The following EDIL3 variants were observed in gnomAD, a reference collection of about 807,000 sequenced individuals.
EDIL3 encodes EGF-like repeat and discoidin I-like domain-containing protein 3.
A neutral mutation model predicts 67.4 loss-of-function variants in EDIL3; 37 were observed. The ratio of observed to expected loss-of-function variants is 0.55; its 90% CI spans 0.42 to 0.72. EDIL3 has a LOEUF of 0.72. Ranked by LOEUF, EDIL3 falls within the 30% of genes least tolerant of loss-of-function variation. The pLI, the probability that EDIL3 is intolerant of heterozygous loss-of-function variation, is 0.00. For missense variants in EDIL3, 527 were observed against 586.3 expected (o/e 0.90, Z 1.04); for synonymous variants, 195 against 196.3 (o/e 0.99, Z 0.05).
chr5:84,164,696 G>C (rs184621415), intron 4 of EDIL3, among the ~76,000 whole-genome samples: 314 of 152,130 alleles, frequency 2.1e-3, no homozygotes, highest in Non-Finnish European at 2.7e-3. Flanking sequence ...AATATATTTT[G>C]AGTACCTACT....
chr5:84,348,680 A>C (rs1440177270), intron 1 of EDIL3, among the ~76,000 whole-genome samples: 1 of 152,038 alleles, frequency 6.6e-6, no homozygotes, highest in African/African-American at 2.4e-5. Flanking sequence ...ACACTGAAAC[A>C]TATTAGTGAC....
At chr5:84,057,267 C>T (rs745572256) in intron 9 of EDIL3, among the ~76,000 whole-genome samples, 6 of 152,186 alleles carry the variant, frequency 3.9e-5, no homozygotes, top group Non-Finnish European at 8.8e-5. Context: ...GATGGAGGCT[C>T]ACACTGAAGA....
At chr5:84,089,625 C>T (rs1747128974) in intron 6 of EDIL3, among the ~76,000 whole-genome samples, 1 of 152,180 alleles carries the variant, frequency 6.6e-6, no homozygotes, top group Non-Finnish European at 1.5e-5. Context: ...ACTTACATGT[C>T]ATCTTCCTAA....
chr5:83,988,408 T>A (rs1745092731), intron 9 of EDIL3, among the ~76,000 whole-genome samples: 1 of 152,154 alleles, frequency 6.6e-6, no homozygotes, highest in African/African-American at 2.4e-5. Flanking sequence ...AAATTTTGCT[T>A]CCATAAGTGC....
chr5:84,014,050 G>C (rs1203243237), intron 9 of EDIL3, among the ~76,000 whole-genome samples: 1 of 152,032 alleles, frequency 6.6e-6, no homozygotes, highest in Non-Finnish European at 1.5e-5. Flanking sequence ...CTAACAATTG[G>C]ACCAGTTCTA....
At chr5:84,350,250 A>AAT (rs889178310) in intron 1 of EDIL3, among the ~76,000 whole-genome samples, 7 of 152,156 alleles carry the variant, frequency 4.6e-5, no homozygotes, top group African/African-American at 1.7e-4. Flanking sequence ...TGCCTCCAGC[A>AAT]ATCCATGCCC....
At chr5:84,083,001 G>A (rs1027309798) in intron 6 of EDIL3, among the ~76,000 whole-genome samples, 1 of 152,094 alleles carries the variant, frequency 6.6e-6, no homozygotes, top group African/African-American at 2.4e-5. Flanking sequence ...CTGTAATGAC[G>A]TTTACCTGGA....
intron 1 of EDIL3, among the ~76,000 whole-genome samples, chr5:84,273,738 T>G (rs1364849721): frequency 6.6e-6 from 1 of 152,198 alleles, no homozygotes; most frequent in Non-Finnish European, 1.5e-5. Flanking sequence ...ACCACACTCC[T>G]CAAACACACG....
intron 9 of EDIL3, among the ~76,000 whole-genome samples, chr5:83,981,532 T>C (rs1225008078): frequency 6.6e-6 from 1 of 152,032 alleles, no homozygotes; most frequent in Non-Finnish European, 1.5e-5. Context: ...TGAGGAAGGA[T>C]AGAGTATTTT....
At chr5:84,332,299 G>C (rs1054086977) in intron 1 of EDIL3, among the ~76,000 whole-genome samples, 140 of 152,204 alleles carry the variant, frequency 9.2e-4, no homozygotes, top group African/African-American at 3.2e-3. Context: ...TTGAGCGCGG[G>C]GGTTGGAAAC....
intron 9 of EDIL3, among the ~76,000 whole-genome samples, chr5:84,007,992 T>C (rs1449309622): frequency 6.6e-6 from 1 of 152,122 alleles, no homozygotes; most frequent in African/African-American, 2.4e-5. Context: ...TGGATAAAAC[T>C]GGAGGACATC....
chr5:84,143,388 T>C (rs1346793241), intron 4 of EDIL3, among the ~76,000 whole-genome samples: 1 of 152,058 alleles, frequency 6.6e-6, no homozygotes, highest in East Asian at 1.9e-4. Context: ...ATTGATAACC[T>C]TCACTTACAA....
chr5:84,312,195 CCCCA>C (rs1377720824), intron 1 of EDIL3, among the ~76,000 whole-genome samples: 6 of 148,068 alleles, frequency 4.1e-5, no homozygotes, highest in Non-Finnish European at 7.5e-5. Flanking sequence ...GGGCTGACCC[CCCCA>C]CCTCCCTCCC....
chr5:84,155,921 C>T (rs1023763245), intron 4 of EDIL3, among the ~76,000 whole-genome samples: 2 of 152,242 alleles, frequency 1.3e-5, no homozygotes, highest in Admixed American at 6.5e-5. Flanking sequence ...CCTACTTACA[C>T]GAATGAAAGA....
At position 84,067,757 on chromosome 5, in the gene EDIL3, C is replaced by T. The variant is rs149773077; in HGVS notation, c.652-1151G>A. Reference sequence around the variant, plus strand: ...GAGTCTCCCAAAGTCTCATCTTCCCCGTTGAAACCTCATAAAATCCTTCCC... The same window carrying T: ...GAGTCTCCCAAAGTCTCATCTTCCCTGTTGAAACCTCATAAAATCCTTCCC... On this transcript the variant is annotated intron_variant, in intron 6 of 10. Coordinates refer to ENST00000296591, the MANE Select transcript of EDIL3 (RefSeq NM_005711.5). 1.4e-3 allele frequency among the ~76,000 whole-genome samples: 211 copies of T among 152,228 alleles called. 7 individuals are homozygous for T. In the East Asian group the frequency reaches 0.033, roughly 24 times the overall value.
chr5:84,132,532 A>T (rs866058135), intron 5 of EDIL3, among the ~76,000 whole-genome samples: 1 of 112,234 alleles, frequency 8.9e-6, no homozygotes, highest in African/African-American at 3.7e-5. Flanking sequence ...TATATATTAT[A>T]TATTTTATAT....
intron 3 of EDIL3, among the ~76,000 whole-genome samples, 191 bp from the exon 4 acceptor site, chr5:84,180,712 G>A (rs187605278): frequency 7.2e-5 from 11 of 152,292 alleles, no homozygotes; most frequent in South Asian, 2.1e-4. Context: ...CTTCACAGGC[G>A]TGCAGTCTTG....
intron 10 of EDIL3, among the ~76,000 whole-genome samples, chr5:83,954,487 C>CCT (rs1744477542): frequency 6.6e-6 from 1 of 151,554 alleles, no homozygotes; most frequent in East Asian, 2.0e-4. Context: ...GTCACCTTAT[C>CCT]CTCTCTCTCT....
chr5:84,141,906 CATATATATATATATATACACAT>C lies in EDIL3; in HGVS notation c.356-4574_356-4553del, dbSNP rs201309009. 6.7e-3 allele frequency among the ~76,000 whole-genome samples: 644 copies of C among 96,798 alleles called. 18 individuals carry two copies. In the East Asian group the frequency reaches 0.11, roughly 16 times the overall value. 63.5% of individuals were successfully genotyped at this position (96,798 alleles called of 152,430 possible). ...CTACTCCAGTAATTGACAAACTACT[CATATATATATATATATACACAT>C]ATATATATATATATATATACATAGA... is the stretch of plus-strand genomic sequence containing the variant. On this transcript the variant is annotated intron_variant, in intron 4 of 10. Coordinates refer to ENST00000296591, the MANE Select transcript of EDIL3 (RefSeq NM_005711.5).
Sources: allele counts gnomAD v4.1 joint callset (sites outside exome capture counted in the v4.1 genomes callset), GRCh38; gene constraint gnomAD v4.1.1; transcripts MANE v1.5; gene names NCBI Gene and HGNC (gene_info 2026-07-23, HGNC 2026-07-21).